Variants in IL34 observed in about 807,000 individuals in gnomAD.
IL34 encodes the protein interleukin-34.
A neutral mutation model predicts 25.3 loss-of-function variants in IL34; 17 were observed. That is an observed-to-expected ratio of 0.67 (90% CI 0.46 to 1.01). IL34 has a LOEUF of 1.01. Among genes scored for constraint, IL34 ranks in the 50% least tolerant of loss-of-function variants. The probability of loss-of-function intolerance (pLI) is 0.00; values close to 1 mark genes in which losing one functional copy is unlikely to be tolerated. For missense variants in IL34, 368 were observed against 312.9 expected, an observed-to-expected ratio of 1.18 and a Z score of -1.33; for synonymous variants, 174 against 140.9, an observed-to-expected ratio of 1.23 and a Z score of -1.66.
Position 70,648,552 on chromosome 16 carries a change from TAAAAAAAAAAAA to T in IL34, c.28+1589_28+1600del, listed in dbSNP as rs56164163. 4.1e-5 allele frequency among the ~76,000 whole-genome samples: 3 copies of T among 73,318 alleles called. No homozygotes were observed. The East Asian group carries it at 1.4e-3, about 35-fold the overall frequency. The allele number at this position is 73,318 out of a possible 152,430, so 48.1% of individuals were successfully genotyped here. On this transcript the variant is annotated intron_variant, in intron 1 of 5. Transcript: ENST00000288098. Reference sequence around the variant, plus strand: ...GGGCAACAGGGTGAGACCCTGTCTTTAAAAAAAAAAAAAAAAAAAAAAAGGAGAAAAGAAAAA... The same window carrying T: ...GGGCAACAGGGTGAGACCCTGTCTTTAAAAAAAAAAAGGAGAAAAGAAAAA...
intron 1 of IL34, among the ~76,000 whole-genome samples, chr16:70,598,135 C>T (rs1022783469): frequency 2.0e-4 from 30 of 152,118 alleles, no homozygotes; most frequent in Non-Finnish European, 3.8e-4. Flanking sequence ...CATAAGGCAC[C>T]GCGCCTGGTT....
intron 1 of IL34, among the ~76,000 whole-genome samples, chr16:70,636,718 T>C (rs1435991043): frequency 6.6e-6 from 1 of 151,878 alleles, no homozygotes; most frequent in Non-Finnish European, 1.5e-5. Context: ...GCAGTGAGCC[T>C]GATTGTGCCA....
chr16:70,598,702 G>A (rs1009299194), intron 1 of IL34, among the ~76,000 whole-genome samples: 1 of 152,116 alleles, frequency 6.6e-6, no homozygotes, highest in Non-Finnish European at 1.5e-5. Context: ...TTGCACCACT[G>A]CACTCCAGCC....
At chr16:70,643,714 A>G (rs1014150774), upstream of IL34, among the ~76,000 whole-genome samples, 2 of 152,236 alleles carry the variant, frequency 1.3e-5, no homozygotes, top group African/African-American at 4.8e-5. Context: ...CATGCAAATT[A>G]TATATTGATT....
chr16:70,645,243 G>A (rs2051898851), upstream of IL34, among the ~76,000 whole-genome samples: 1 of 152,062 alleles, frequency 6.6e-6, no homozygotes, highest in Admixed American at 6.5e-5. Context: ...TGAGATTCAG[G>A]GTGACTGCAT....
intron 1 of IL34, among the ~76,000 whole-genome samples, chr16:70,620,548 A>G (rs2051259512): frequency 1.3e-5 from 2 of 152,074 alleles, no homozygotes; most frequent in Non-Finnish European, 2.9e-5. Context: ...GAAAAGGAAG[A>G]TTAGAAAGAC....
intron 1 of IL34, among the ~76,000 whole-genome samples, chr16:70,612,785 C>CA (rs1209579928): frequency 6.6e-6 from 1 of 152,142 alleles, no homozygotes; most frequent in East Asian, 1.9e-4. Flanking sequence ...AATTAGAACA[C>CA]ATGTTTTTTG....
intron 1 of IL34, among the ~76,000 whole-genome samples, chr16:70,628,289 C>T (rs1041837290): frequency 6.6e-6 from 1 of 152,044 alleles, no homozygotes; most frequent in East Asian, 1.9e-4. Context: ...TTAAATCTTC[C>T]CATCCAAGAA....
chr16:70,608,970 T>G (rs556347622), intron 1 of IL34, among the ~76,000 whole-genome samples: 4 of 152,214 alleles, frequency 2.6e-5, no homozygotes, highest in Non-Finnish European at 5.9e-5. Context: ...AATCATGCCT[T>G]CCTTCCATGT....
At position 70,660,438 on chromosome 16, in the gene IL34, C is replaced by T. The variant is rs980751708; in HGVS notation, c.*251C>T. 1.1e-4 allele frequency: 49 copies of T among 440,160 alleles called. No homozygotes were observed. Among genetic ancestry groups the T allele is most frequent in the Non-Finnish European group, 1.8e-4 (46 of 250,798 alleles). 27.3% of individuals were successfully genotyped at this position (440,160 alleles called of 1,614,324 possible). On this transcript the variant is annotated 3_prime_UTR_variant, in exon 6 of 6. Coordinates refer to ENST00000288098, the MANE Select transcript of IL34 (RefSeq NM_001393494.1). The stretch of plus-strand genomic sequence containing the variant: ...AGGTGGATGGGGACACAGCTCCTGG[C>T]TTCTCCTGGTGCTGCCCTCACTGTC...
intron 1 of IL34, among the ~76,000 whole-genome samples, chr16:70,606,153 T>A (rs1320423242): frequency 6.6e-6 from 1 of 151,848 alleles, no homozygotes; most frequent in Non-Finnish European, 1.5e-5. Flanking sequence ...TCCTAGCACG[T>A]TGGGAGGCCA....
chr16:70,615,335 C>G (rs1358738572), intron 1 of IL34, among the ~76,000 whole-genome samples: 1 of 151,846 alleles, frequency 6.6e-6, no homozygotes, highest in South Asian at 2.1e-4. Flanking sequence ...GGTGAAACCC[C>G]GTCTCTACTA....
At chr16:70,622,704 T>C (rs775795699) in intron 1 of IL34, among the ~76,000 whole-genome samples, 2 of 151,914 alleles carry the variant, frequency 1.3e-5, no homozygotes, top group African/African-American at 4.8e-5. Context: ...CCAGGAACAA[T>C]GGTAATTGTG....
Position 70,659,687 on chromosome 16 carries a change from C to G in IL34, c.472C>G (p.Leu158Val). Residue 158 changes from leucine (L) to valine (V), a missense_variant, in exon 5 of 6, where the codon CTG becomes GTG. Transcript: ENST00000288098. ...GAATGCCCCAGGGCCAAACCTGAAG[C>G]TGGTGCGGCCCAAAGCCCTGCTGGA... ...LLNAPGPNLKLVRPKALLDNC... is the reference protein window; with the variant it reads ...LLNAPGPNLKVVRPKALLDNC... The G allele has an allele frequency of 1.9e-6, 3 of 1,612,724 alleles. No individual in the cohort carries two copies. Among genetic ancestry groups the G allele is most frequent in the South Asian group, 1.1e-5 (1 of 90,894 alleles).
chr16:70,633,763 C>G (rs1299663262), intron 1 of IL34, among the ~76,000 whole-genome samples: 1 of 152,174 alleles, frequency 6.6e-6, no homozygotes, highest in Non-Finnish European at 1.5e-5. Context: ...CCTGTCTCTT[C>G]CCAGGTTCTG....
In IL34 at chr16:70,646,879, T is replaced by C; in HGVS notation, c.-69T>C. 7.1e-7 allele frequency: 1 copy of C among 1,415,902 alleles called. No homozygotes were observed. Among genetic ancestry groups the C allele is most frequent in the South Asian group, 1.5e-5 (1 of 68,912 alleles). 87.7% of individuals were successfully genotyped at this position (1,415,902 alleles called of 1,614,324 possible). On this transcript the variant is annotated 5_prime_UTR_variant, in exon 1 of 6. Transcript: ENST00000288098. ...TGCTGCCCCGAGGCCATGTAGGCCG[T>C]GCTTAGGCCTCTGTGGACACACTGC...
chr16:70,582,482 C>T (rs760001223), intron 1 of IL34, among the ~76,000 whole-genome samples: 6 of 152,374 alleles, frequency 3.9e-5, no homozygotes, highest in East Asian at 1.9e-4. Flanking sequence ...GTCCTGGCCA[C>T]ACCACTTTCC....
intron 1 of IL34, among the ~76,000 whole-genome samples, chr16:70,621,400 G>GAC (rs1324742924): frequency 6.6e-6 from 1 of 152,072 alleles, no homozygotes; most frequent in Non-Finnish European, 1.5e-5. Context: ...ATTGAAGAGT[G>GAC]GAAAGAAGAA....
chr16:70,625,193 G>T lies in IL34; in HGVS notation c.-400-21355G>T, dbSNP rs367799510. Among the ~76,000 whole-genome samples, 4 of 152,058 alleles carry T rather than the reference G, an allele frequency of 2.6e-5. No individual in the cohort carries two copies. In the East Asian group the frequency reaches 7.7e-4, roughly 29 times the overall value. On this transcript the variant is annotated intron_variant, in intron 1 of 6. Coordinates refer to the IL34 transcript ENST00000429149. ...TGTGAGTTGAAGAGGTTTTAAGTTC[G>T]TGAGAAGTCAGGCTAAGGGAGAAGG...
Sources: gnomAD v4.1 joint callset for allele counts (sites outside exome capture counted in the v4.1 genomes callset) on GRCh38, gnomAD v4.1.1 for gene constraint, MANE v1.5 for transcripts, NCBI Gene and HGNC (gene_info 2026-07-23, HGNC 2026-07-21) for gene names.